Variants in ARHGAP39 observed in about 807,000 individuals in gnomAD.
ARHGAP39 encodes Rho GTPase activating protein 39, also known as rho GTPase-activating protein 39.
A neutral mutation model predicts 106.9 loss-of-function variants in ARHGAP39; 44 were observed. The observed-to-expected ratio is 0.41, with a 90% confidence interval of 0.32 to 0.53. The LOEUF is 0.53. Ranked by LOEUF, ARHGAP39 falls within the 20% of genes least tolerant of loss-of-function variation. ARHGAP39 has a pLI of 0.21. For synonymous variants in ARHGAP39, 768 were observed against 693.2 expected (o/e 1.11, Z -1.69); for missense variants, 1,496 against 1,577.3 (o/e 0.95, Z 0.87).
At chr8:144,594,882 C>A (rs1819548666) in intron 2 of ARHGAP39, among the ~76,000 whole-genome samples, 1 of 151,824 alleles carries the variant, frequency 6.6e-6, no homozygotes, top group Non-Finnish European at 1.5e-5. Context: ...GAGGCTCTGT[C>A]TGAAAAAGAA....
intron 3 of ARHGAP39, among the ~76,000 whole-genome samples, chr8:144,579,751 C>G (rs112859376): frequency 0.1 from 15,754 of 152,156 alleles, 2,003 homozygotes; most frequent in African/African-American, 0.3. Context: ...CAGTCCAACA[C>G]GCTCCTTCCC....
the ARHGAP39 span, among the ~76,000 whole-genome samples, chr8:144,696,115 C>T: frequency 6.6e-6 from 1 of 152,116 alleles, no homozygotes; most frequent in African/African-American, 2.4e-5. Flanking sequence ...TTTGCTCTGC[C>T]GCATGTCTTC....
chr8:144,542,554 G>T (rs764317774), intron 6 of ARHGAP39, among the ~76,000 whole-genome samples: 1 of 152,150 alleles, frequency 6.6e-6, no homozygotes, highest in East Asian at 1.9e-4. Flanking sequence ...CATCCTCCTC[G>T]GCTGATAGGG....
At chr8:144,570,232 A>G (rs550683493) in intron 3 of ARHGAP39, among the ~76,000 whole-genome samples, 1 of 152,314 alleles carries the variant, frequency 6.6e-6, no homozygotes, top group Admixed American at 6.5e-5. Context: ...AAAAACAAAC[A>G]AACAAAGAAA....
intron 1 of ARHGAP39, among the ~76,000 whole-genome samples, chr8:144,616,666 G>A (rs2130961613): frequency 6.6e-6 from 1 of 152,340 alleles, no homozygotes; most frequent in South Asian, 2.1e-4. Flanking sequence ...GGGGCCCAAG[G>A]GCCATAGGGG....
At chr8:144,658,865 T>A (rs1464576524) in intron 1 of ARHGAP39, among the ~76,000 whole-genome samples, 1 of 152,184 alleles carries the variant, frequency 6.6e-6, no homozygotes, top group East Asian at 1.9e-4. Context: ...AATATTAATG[T>A]TTAATATTGG....
intron 2 of ARHGAP39, among the ~76,000 whole-genome samples, chr8:144,603,768 T>C (rs1309326150): frequency 6.6e-6 from 1 of 151,284 alleles, no homozygotes; most frequent in African/African-American, 2.4e-5. Flanking sequence ...AACCCAGACC[T>C]TGTTCTGTAA....
At chr8:144,537,266 C>G (rs1028590850) in intron 7 of ARHGAP39, among the ~76,000 whole-genome samples, 6 of 152,132 alleles carry the variant, frequency 3.9e-5, no homozygotes, top group Admixed American at 3.9e-4. Flanking sequence ...AAGCAGGGGA[C>G]GACTCCTTGC....
rs572138213 is a variant in ARHGAP39, at chr8:144,594,686, C to G, written c.80+10849G>C. 2.6e-4 allele frequency among the ~76,000 whole-genome samples: 38 copies of G among 145,668 alleles called. No individual in the cohort carries two copies. The South Asian group carries it at 6.7e-3, about 26-fold the overall frequency. On this transcript the variant is annotated intron_variant, in intron 2 of 11. Transcript: ENST00000377307. Reference sequence around the variant, plus strand: ...TCCAGCCTGGGCAACAAAAGCGAAACGCCACCTCAAAAAAAAAAAAAAAAG... The same window carrying G: ...TCCAGCCTGGGCAACAAAAGCGAAAGGCCACCTCAAAAAAAAAAAAAAAAG...
At chr8:144,634,902 C>T (rs537043148) in intron 1 of ARHGAP39, among the ~76,000 whole-genome samples, 5 of 152,362 alleles carry the variant, frequency 3.3e-5, no homozygotes, top group African/African-American at 7.2e-5. Flanking sequence ...AGGCCCTGTG[C>T]GGGTGTAGTC....
chr8:144,530,475 G>T lies in ARHGAP39; in HGVS notation c.3292C>A (p.Leu1098Met). ...FENTRKEMSFLRVLIQHLDTS... is the reference protein window; with the variant it reads ...FENTRKEMSFMRVLIQHLDTS... ...TCCAGGTGCTGGATGAGCACCCGCAGGAAGGACATCTCCTTGCGGGTGTTC... is the reference window on the plus strand; with the variant it reads ...TCCAGGTGCTGGATGAGCACCCGCATGAAGGACATCTCCTTGCGGGTGTTC... Residue 1098 changes from leucine (L) to methionine (M), a missense_variant, in exon 12 of 12, where the codon CTG (leucine) becomes ATG (methionine). Leu to Met is a conservative substitution (Grantham distance 15). This residue lies in a region of ARHGAP39 where 470 missense variants were observed against 605.1 expected (regional missense o/e 0.78). Transcript: ENST00000377307. 6.2e-7 allele frequency: 1 copy of T among 1,611,544 alleles called. No individual in the cohort carries two copies. Among genetic ancestry groups the T allele is most frequent in the Non-Finnish European group, 8.5e-7 (1 of 1,179,396 alleles).
intron 1 of ARHGAP39, among the ~76,000 whole-genome samples, chr8:144,610,500 A>C (rs1820451831): frequency 6.6e-6 from 1 of 151,874 alleles, no homozygotes; most frequent in Non-Finnish European, 1.5e-5. Context: ...TCACGAGATC[A>C]GGAAATTGAG....
intron 1 of ARHGAP39, among the ~76,000 whole-genome samples, chr8:144,672,054 C>T (rs977086771): frequency 9.9e-5 from 15 of 152,220 alleles, no homozygotes; most frequent in Non-Finnish European, 1.9e-4. Flanking sequence ...ATGCTGTAAA[C>T]GAGGGTCTCA....
At chr8:144,619,875 C>T (rs533551780) in intron 1 of ARHGAP39, among the ~76,000 whole-genome samples, 4 of 126,732 alleles carry the variant, frequency 3.2e-5, no homozygotes, top group East Asian at 2.5e-4. Context: ...AGCGTGAGCC[C>T]GTGTGAGTGA....
At chr8:144,542,144 C>G (rs1419052919) in intron 6 of ARHGAP39, among the ~76,000 whole-genome samples, 1 of 152,180 alleles carries the variant, frequency 6.6e-6, no homozygotes, top group Non-Finnish European at 1.5e-5. Context: ...TCCAGCCTTC[C>G]AAAATACACA....
Position 144,670,086 on chromosome 8 carries a change from C to T in ARHGAP39, c.-82+15600G>A, listed in dbSNP as rs187877179. Among the ~76,000 whole-genome samples, 8 of 152,350 alleles carry T rather than the reference C, an allele frequency of 5.3e-5. No individual in the cohort carries two copies. Among genetic ancestry groups the T allele is most frequent in the Admixed American group, 5.2e-4 (8 of 15,302 alleles). On this transcript the variant is annotated intron_variant, in intron 1 of 11. Coordinates refer to ENST00000377307, the MANE Select transcript of ARHGAP39 (RefSeq NM_025251.3). The surrounding 1 kb of genome is among the most constrained non-coding windows in gnomAD (Gnocchi z 4.4). ...AAAGTCTAAAGGAAACGGGGTTGAC[C>T]TGTACAACGGAACGTCCCTCAGCAA... is the stretch of plus-strand genomic sequence containing the variant.
upstream of ARHGAP39, among the ~76,000 whole-genome samples, chr8:144,686,023 C>A (rs1455353815): frequency 1.3e-5 from 2 of 151,744 alleles, no homozygotes; most frequent in African/African-American, 4.8e-5. Context: ...ATGCTGGGAG[C>A]CGCCTGGCCC....
chr8:144,597,763 G>A (rs1341981913), intron 2 of ARHGAP39, among the ~76,000 whole-genome samples: 2 of 152,220 alleles, frequency 1.3e-5, no homozygotes, highest in East Asian at 1.9e-4. Context: ...AAGACAGGAA[G>A]AGAAAAGGCA....
intron 1 of ARHGAP39, among the ~76,000 whole-genome samples, chr8:144,677,964 T>C (rs556522590): frequency 3.3e-5 from 5 of 152,302 alleles, no homozygotes; most frequent in South Asian, 4.2e-4. Context: ...CCCAGGAAGA[T>C]GGAAGCAGCC....
Sources: gnomAD v4.1 joint callset for allele counts (sites outside exome capture counted in the v4.1 genomes callset) on GRCh38, gnomAD v4.1.1 for gene constraint, gnomAD v4.1.1 regional missense constraint, Gnocchi (gnomAD v3.1) non-coding constraint, MANE v1.5 for transcripts, NCBI Gene and HGNC (gene_info 2026-07-23, HGNC 2026-07-21) for gene names.